The following RFC5 variants were observed in gnomAD, a reference collection of about 807,000 sequenced individuals.
RFC5 encodes the protein A1 36 kDa subunit.
RFC5 carries 26 observed loss-of-function variants against 44.3 expected under a neutral mutation model. The ratio of observed to expected loss-of-function variants is 0.59; its 90% CI spans 0.43 to 0.81. The LOEUF (loss-of-function observed/expected upper bound fraction) is 0.81, where lower values mean the gene tolerates loss of function less well. RFC5 is among the 40% of genes least tolerant of loss of function. RFC5 has a pLI of 0.00. For synonymous variants in RFC5, 155 were observed against 155.2 expected (o/e 1.00, Z 0.01); for missense variants, 328 against 418.6 (o/e 0.78, Z 1.89).
At chr12:118,017,882 G>A in intron 1 of RFC5, 1 of 666,238 alleles carries the variant, frequency 1.5e-6, no homozygotes, top group Non-Finnish European at 2.7e-6. Context: ...AGTACATTCA[G>A]AATGCAGTGT....
downstream of RFC5, chr12:118,034,425 C>T (rs942345963): frequency 3.6e-5 from 56 of 1,574,098 alleles, no homozygotes; most frequent in Non-Finnish European, 4.7e-5. Flanking sequence ...AGGATGAATA[C>T]TCATGTTTCT....
At chr12:118,036,404 G>T, downstream of RFC5, 1 of 1,614,210 alleles carries the variant, frequency 6.2e-7, no homozygotes. Context: ...GTAAGAAGCC[G>T]TGACAAGCAG....
At chr12:118,025,525 C>T (rs1187302302) in intron 6 of RFC5, 11 of 475,612 alleles carry the variant, frequency 2.3e-5, no homozygotes, top group Non-Finnish European at 4.1e-5. Context: ...TTCCTAAATT[C>T]AGGCTGTTCT....
rs551380143 is a variant in RFC5, at chr12:118,031,362, G to C, written c.*84G>C. 4.7e-5 allele frequency: 42 copies of C among 894,946 alleles called. No individual in the cohort carries two copies. The highest frequency in any genetic ancestry group is 1.6e-4 in the Admixed American group (7 of 44,552). 55.4% of individuals were successfully genotyped at this position (894,946 alleles called of 1,614,324 possible). On this transcript the variant is annotated 3_prime_UTR_variant, in exon 11 of 11. Transcript: ENST00000454402. ...AGTTCCAGGATAAACTGCTGCCTGG[G>C]GCTGTGGGATGAATCAGTCACCCCG...
At chr12:118,034,660 TG>T, downstream of RFC5, 1 of 489,848 alleles carries the variant, frequency 2.0e-6, no homozygotes, top group Admixed American at 3.7e-5. Flanking sequence ...TGCCACCTAC[TG>T]AATTATAGAT....
At chr12:118,035,195 A>G, downstream of RFC5, 1 of 1,613,870 alleles carries the variant, frequency 6.2e-7, no homozygotes, top group Non-Finnish European at 8.5e-7. Context: ...GGCCATGTAA[A>G]GAGAGTTCTC....
chr12:118,018,964 G>A, intron 1 of RFC5, 108 bp from the exon 2 acceptor site: 2 of 818,044 alleles, frequency 2.4e-6, no homozygotes, highest in African/African-American at 1.7e-5. Flanking sequence ...CTCCCAAAGT[G>A]CTGGGATTAC....
At chr12:118,040,420 G>A in the RFC5 span, among the ~76,000 whole-genome samples, 258 of 152,180 alleles carry the variant, frequency 1.7e-3, 1 homozygote, top group African/African-American at 5.9e-3. Context: ...GGACCTTCCT[G>A]AGATGGTGGC....
At chr12:118,034,574 G>GCTCTCTCTCTCTCT (rs368693869), downstream of RFC5, 419 of 529,450 alleles carry the variant, frequency 7.9e-4, 1 homozygote, top group African/African-American at 3.3e-3. Context: ...ATACCAAAGC[G>GCTCTCTCTCTCTCT]CTCTCTCTGT....
rs745483373 is a variant in RFC5, at chr12:118,019,172, T to C, written c.130+36T>C. The C allele has an allele frequency of 6.9e-7, 1 of 1,443,672 alleles. No homozygotes were observed. Among genetic ancestry groups the C allele is most frequent in the Admixed American group, 1.7e-5 (1 of 59,794 alleles). 89.4% of individuals were successfully genotyped at this position (1,443,672 alleles called of 1,614,324 possible). ...ATGTGTCAGTTGCTCTTGTCCTGCT[T>C]GAGCGACTTGTATAAATTGCTTGGT... On this transcript the variant is annotated intron_variant, in intron 2 of 10. Transcript: ENST00000454402. This position sits in a 1 kb window ranked among gnomAD's most constrained non-coding sequence, Gnocchi z 4.2.
At chr12:118,026,621 G>T (rs550688929) in intron 7 of RFC5, among the ~76,000 whole-genome samples, 1 of 152,182 alleles carries the variant, frequency 6.6e-6, no homozygotes, top group African/African-American at 2.4e-5. Flanking sequence ...GAGAGCAAAA[G>T]AAAATGTTTT....
At chr12:118,037,672 A>G (rs1045037874), downstream of RFC5, among the ~76,000 whole-genome samples, 34 of 150,794 alleles carry the variant, frequency 2.3e-4, no homozygotes, top group Admixed American at 2.0e-3. Flanking sequence ...CTGTCTAAAA[A>G]AAAAAAAAAA....
intron 9 of RFC5, among the ~76,000 whole-genome samples, chr12:118,028,507 CAAA>C (rs2031109774): frequency 6.8e-6 from 1 of 148,144 alleles, no homozygotes; most frequent in Non-Finnish European, 1.5e-5. Flanking sequence ...AAACAAAACA[CAAA>C]AAACGTGTTC....
chr12:118,016,792 G>C lies in RFC5; in HGVS notation c.-36G>C, dbSNP rs576457551. ...TGTGCAGGCGCTTGGGTGACGCGAC[G>C]ATCTCAGCGGATCTGGTCACCTTCG... On this transcript the variant is annotated 5_prime_UTR_variant, in exon 1 of 11. Transcript: ENST00000454402. The C allele has an allele frequency of 1.4e-5, 22 of 1,583,322 alleles. 1 individual carries two copies. The South Asian group carries it at 2.4e-4, about 17-fold the overall frequency.
chr12:118,038,172 G>T, the RFC5 span: 3 of 937,494 alleles, frequency 3.2e-6, no homozygotes, highest in Non-Finnish European at 4.6e-6. Context: ...TGGCCCACCA[G>T]CATGCCTTCT....
chr12:118,039,472 C>G, the RFC5 span, among the ~76,000 whole-genome samples: 2 of 151,854 alleles, frequency 1.3e-5, no homozygotes, highest in Non-Finnish European at 2.9e-5. Flanking sequence ...AAACAATGAC[C>G]CAAAAGCCAT....
At chr12:118,018,121 G>T in intron 1 of RFC5, 1 of 655,722 alleles carries the variant, frequency 1.5e-6, no homozygotes, top group Non-Finnish European at 2.8e-6. Context: ...ATGTTTTCAA[G>T]GTTCATGCAT....
At position 118,016,765 on chromosome 12, in the gene RFC5, A is replaced by G. The variant is rs2030104047; in HGVS notation, c.-63A>G. ...TCTCAGGGTCAGGTCGCGGCTGGTC[A>G]CTGTGCAGGCGCTTGGGTGACGCGA... On this transcript the variant is annotated 5_prime_UTR_variant, in exon 1 of 11. Coordinates refer to ENST00000454402, the MANE Select transcript of RFC5 (RefSeq NM_007370.7). The G allele has an allele frequency of 4.9e-6, 7 of 1,415,238 alleles. No individual in the cohort carries two copies. Among genetic ancestry groups the G allele is most frequent in the Non-Finnish European group, 5.9e-6 (6 of 1,019,072 alleles). The allele number at this position is 1,415,238 out of a possible 1,614,324, so 87.7% of individuals were successfully genotyped here.
In RFC5 at chr12:118,016,801, G is replaced by T. The variant is rs1357927301; in HGVS notation, c.-27G>T. 2 of 1,600,118 alleles carry T rather than the reference G, an allele frequency of 1.2e-6. No homozygotes were observed. Among genetic ancestry groups the T allele is most frequent in the Non-Finnish European group, 1.7e-6 (2 of 1,172,394 alleles). Reference sequence around the variant, plus strand: ...GCTTGGGTGACGCGACGATCTCAGCGGATCTGGTCACCTTCGTCTCCCCGC... The same window carrying T: ...GCTTGGGTGACGCGACGATCTCAGCTGATCTGGTCACCTTCGTCTCCCCGC... On this transcript the variant is annotated 5_prime_UTR_variant, in exon 1 of 11. Transcript: ENST00000454402.
Sources: allele counts gnomAD v4.1 joint callset (sites outside exome capture counted in the v4.1 genomes callset), GRCh38; gene constraint gnomAD v4.1.1; non-coding constraint Gnocchi (gnomAD v3.1); transcripts MANE v1.5; gene names NCBI Gene and HGNC (gene_info 2026-07-23, HGNC 2026-07-21).